FMNL1: variants seen among roughly 807,000 people sequenced by gnomAD.
The protein encoded by FMNL1 is formin-like protein 1.
In FMNL1, 43 loss-of-function variants were observed where a neutral mutation model predicts 121.3. The observed-to-expected ratio is 0.35, with a 90% CI of 0.28 to 0.46. The LOEUF is 0.46. Among genes scored for constraint, FMNL1 ranks in the 20% least tolerant of loss-of-function variants. FMNL1 has a pLI of 1.00. For synonymous variants in FMNL1, 613 were observed against 613.5 expected, an observed-to-expected ratio of 1.00 and a Z score of 0.01; for missense variants, 1,191 against 1,482.4, an observed-to-expected ratio of 0.80 and a Z score of 3.23.
chr17:45,226,316 G>A lies in FMNL1; in HGVS notation c.129+4063G>A, dbSNP rs373495809. ...ACTTCCCCCTGAGAGAGGGTGTGCTGGTGGGGGGGTTCCCCAGTGAGTAAG... is the reference window on the plus strand; with the variant it reads ...ACTTCCCCCTGAGAGAGGGTGTGCTAGTGGGGGGGTTCCCCAGTGAGTAAG... On this transcript the variant is annotated intron_variant, in intron 1 of 26. Transcript: ENST00000331495. 7.9e-5 allele frequency among the ~76,000 whole-genome samples: 12 copies of A among 152,354 alleles called. No individual in the cohort carries two copies. In the South Asian group the frequency reaches 2.5e-3, roughly 32 times the overall value.
Position 45,241,096 on chromosome 17 carries a change from C to CG in FMNL1, c.1231-30dup, listed in dbSNP as rs2043679051. On this transcript the variant is annotated intron_variant, in intron 12 of 26. Coordinates refer to ENST00000331495, the MANE Select transcript of FMNL1 (RefSeq NM_005892.4). This position sits in a 1 kb window ranked among gnomAD's most constrained non-coding sequence, Gnocchi z 7.0. The stretch of plus-strand genomic sequence containing the variant: ...CACCGGCGGTGCCAGTGCCGGGCTG[C>CG]GGGTCGGGGCTCACCATGTGCTGGT... 1 of 1,611,534 alleles carries CG rather than the reference C, an allele frequency of 6.2e-7. No individual in the cohort carries two copies. The highest frequency in any genetic ancestry group is 1.1e-5 in the South Asian group (1 of 90,984).
At position 45,245,370 on chromosome 17, in the gene FMNL1, A is replaced by G. The variant is rs1480810131; in HGVS notation, c.2846A>G (p.Asn949Ser). Reference sequence around the variant, plus strand: ...GTGCTCAAGGAGTTCCTGAGGGCCAACTCGCCCACCATGGACAAGCTGCTG... The same window carrying G: ...GTGCTCAAGGAGTTCCTGAGGGCCAGCTCGCCCACCATGGACAAGCTGCTG... ...CMVLKEFLRA[N>S]SPTMDKLLAD... The change falls in exon 22 of 27, where the codon AAC (asparagine) becomes AGC (serine). Residue 949 changes from asparagine (N) to serine (S), a missense_variant. Asn to Ser is a conservative substitution (Grantham distance 46). Around this residue, in one of 4 missense-constraint regions of FMNL1, gnomAD observed 367 missense variants for 528.6 expected, o/e 0.69. Coordinates refer to ENST00000331495, the MANE Select transcript of FMNL1 (RefSeq NM_005892.4). 6.2e-7 allele frequency: 1 copy of G among 1,614,076 alleles called. No individual in the cohort carries two copies. Among genetic ancestry groups the G allele is most frequent in the Non-Finnish European group, 8.5e-7 (1 of 1,179,996 alleles).
At chr17:45,240,293 C>T in intron 11 of FMNL1, 183 bp from the exon 12 acceptor site, 1 of 521,902 alleles carries the variant, frequency 1.9e-6, no homozygotes, top group East Asian at 3.6e-5. Flanking sequence ...CTAAGAATGA[C>T]TGAATTGTAC....
Position 45,240,538 on chromosome 17 carries a change from T to A in FMNL1, c.1143T>A (p.Ile381=). 3 of 1,613,162 alleles carry A rather than the reference T, an allele frequency of 1.9e-6. No homozygotes were observed. The highest frequency in any genetic ancestry group is 2.5e-6 in the Non-Finnish European group (3 of 1,179,818). ...QVQIQAYLDN[I]FDVGALLEDT... ...AGATCCAGGCGTACCTGGACAATAT[T>A]TTTGATGTGGGGGCGCTGCTGGAGG... The change falls in exon 12 of 27, where the codon ATT becomes ATA. Residue 381 remains isoleucine (I), a synonymous_variant. Coordinates refer to ENST00000331495, the MANE Select transcript of FMNL1 (RefSeq NM_005892.4).
At position 45,247,100 on chromosome 17, in the gene FMNL1, T is replaced by G. The variant is rs1598218065; in HGVS notation, c.*242T>G. The G allele has an allele frequency of 1.7e-6, 1 of 603,452 alleles. No homozygotes were observed. Among genetic ancestry groups the G allele is most frequent in the Non-Finnish European group, 3.0e-6 (1 of 333,636 alleles). The allele number at this position is 603,452 out of a possible 1,614,324, so 37.4% of individuals were successfully genotyped here. A position where few individuals can be genotyped will look rare whatever the true frequency, so the allele number is the denominator to read the frequency against. ...CTGTGGCCCGCCTCAAACGGGCTGG[T>G]GCATCCTCCTCTTGGCCACAGAGGG... On this transcript the variant is annotated 3_prime_UTR_variant, in exon 27 of 27. Transcript: ENST00000331495.
intron 7 of FMNL1, chr17:45,236,555 C>T (rs372201524): frequency 2.1e-5 from 5 of 235,028 alleles, no homozygotes; most frequent in Admixed American, 1.1e-4. Context: ...AGCCTCGGGT[C>T]GATTCATTTG....
chr17:45,238,048 AT>A (rs1361839978), intron 9 of FMNL1: 1 of 206,426 alleles, frequency 4.8e-6, no homozygotes, highest in Admixed American at 5.2e-5. Flanking sequence ...ATGAATATTT[AT>A]TGAGTGCCTA....
rs769713386 is a variant in FMNL1, at chr17:45,237,663, A to G, written c.894+24A>G. 2.5e-6 allele frequency: 4 copies of G among 1,612,018 alleles called. No homozygotes were observed. In the African/African-American group the frequency reaches 4.0e-5, roughly 16 times the overall value. On this transcript the variant is annotated intron_variant, in intron 9 of 26. Coordinates refer to ENST00000331495, the MANE Select transcript of FMNL1 (RefSeq NM_005892.4). The surrounding 1 kb of genome is among the most constrained non-coding windows in gnomAD (Gnocchi z 4.4). ...AGGTACCGGAGTCCCTCACCCAAAC[A>G]TGCATTTCCCCCTATGGTGTTGCTT...
At chr17:45,232,218 T>G (rs1003413590) in intron 2 of FMNL1, 149 bp from the exon 3 acceptor site, 11 of 675,354 alleles carry the variant, frequency 1.6e-5, no homozygotes, top group African/African-American at 3.7e-5. Flanking sequence ...GTGGACTGTT[T>G]GGGTTTATAC....
Position 45,233,783 on chromosome 17 carries a change from G to A in FMNL1, c.485+52G>A, listed in dbSNP as rs369537256. 5.1e-5 allele frequency: 81 copies of A among 1,602,868 alleles called. No homozygotes were observed. The highest frequency in any genetic ancestry group is 2.9e-4 in the African/African-American group (22 of 74,688). On this transcript the variant is annotated intron_variant, in intron 5 of 26. Transcript: ENST00000331495. This position sits in a 1 kb window ranked among gnomAD's most constrained non-coding sequence, Gnocchi z 4.1. ...GCCGCTCCTCAGAGCTTTGATCCCC[G>A]TCTCCCTGCATCTCACCCACTCCCC...
chr17:45,233,388 C>G lies in FMNL1; in HGVS notation c.401+91C>G. ...GCTTCCCCTTCCTACTCCCCCTGCC[C>G]CCTGCACAAGGCTGTGCTTGTGGAC... On this transcript the variant is annotated intron_variant, in intron 4 of 26. Transcript: ENST00000331495. This position sits in a 1 kb window ranked among gnomAD's most constrained non-coding sequence, Gnocchi z 4.1. 2 of 1,360,062 alleles carry G rather than the reference C, an allele frequency of 1.5e-6. No homozygotes were observed. Among genetic ancestry groups the G allele is most frequent in the Non-Finnish European group, 2.0e-6 (2 of 992,460 alleles). 84.2% of individuals were successfully genotyped at this position (1,360,062 alleles called of 1,614,324 possible).
chr17:45,244,594 G>A (rs1388250483), intron 19 of FMNL1, among the ~76,000 whole-genome samples: 1 of 152,244 alleles, frequency 6.6e-6, no homozygotes, highest in Non-Finnish European at 1.5e-5. Context: ...TGGACTAGCA[G>A]AGGACAAAAT....
Position 45,241,152 on chromosome 17 carries a change from G to T in FMNL1, c.1254G>T (p.Ala418=). Residue 418 remains alanine, a synonymous_variant, in exon 13 of 27, where the codon GCG becomes GCT. Coordinates refer to ENST00000331495, the MANE Select transcript of FMNL1 (RefSeq NM_005892.4). This position sits in a 1 kb window ranked among gnomAD's most constrained non-coding sequence, Gnocchi z 7.0. ...VALLTERLRD[A]ENESMAKIAE... ...AGCTGACAGAGCGGCTTCGGGACGC[G>T]GAGAACGAATCCATGGCCAAGATTG... 1 of 1,614,106 alleles carries T rather than the reference G, an allele frequency of 6.2e-7. No homozygotes were observed. Among genetic ancestry groups the T allele is most frequent in the East Asian group, 2.2e-5 (1 of 44,884 alleles).
At chr17:45,222,318 G>A in intron 1 of FMNL1, 65 bp downstream of exon 1, 1 of 1,117,856 alleles carries the variant, frequency 8.9e-7, no homozygotes, top group Non-Finnish European at 1.1e-6. Flanking sequence ...CAGGGGCTGG[G>A]CGCGCGTCCC....
At chr17:45,238,749 G>A in intron 10 of FMNL1, 111 bp downstream of exon 10, 1 of 1,382,682 alleles carries the variant, frequency 7.2e-7, no homozygotes, top group South Asian at 1.2e-5. Context: ...AAAGCGTAAG[G>A]ACTGAGTGGT....
chr17:45,236,459 C>G lies in FMNL1; in HGVS notation c.723+215C>G, dbSNP rs1474052351. The G allele has an allele frequency of 2.1e-5, 10 of 476,052 alleles. No individual in the cohort carries two copies. The South Asian group carries it at 2.7e-4, about 13-fold the overall frequency. 29.5% of individuals were successfully genotyped at this position (476,052 alleles called of 1,614,324 possible). On this transcript the variant is annotated intron_variant, in intron 7 of 26. Transcript: ENST00000331495. ...GCCTCTGTCAGGTTCTCTGAGTACC[C>G]CTGCCCATGGCTGGGCATGAAGGAG... is the stretch of plus-strand genomic sequence containing the variant.
In FMNL1 at chr17:45,231,680, G is replaced by A. The variant is rs1423491067; in HGVS notation, c.214-687G>A. Among the ~76,000 whole-genome samples, 1 of 152,116 alleles carries A rather than the reference G, an allele frequency of 6.6e-6. No homozygotes were observed. Among genetic ancestry groups the A allele is most frequent in the Non-Finnish European group, 1.5e-5 (1 of 67,992 alleles). On this transcript the variant is annotated intron_variant, in intron 2 of 26. Transcript: ENST00000331495. The surrounding 1 kb of genome is among the most constrained non-coding windows in gnomAD (Gnocchi z 4.7). ...TTTGTGTGAGTGGCCGCTGGAGCCT[G>A]CAGTGGGGTGGGGGGATTAGGAATT...
chr17:45,239,762 G>A (rs2043640632), intron 11 of FMNL1, among the ~76,000 whole-genome samples: 1 of 151,968 alleles, frequency 6.6e-6, no homozygotes, highest in Non-Finnish European at 1.5e-5. Flanking sequence ...AACATGCTAA[G>A]TGAAAGAAGC....
chr17:45,243,440 C>A (rs184778567), intron 17 of FMNL1, 120 bp downstream of exon 17: 113 of 1,206,582 alleles, frequency 9.4e-5, no homozygotes, highest in Non-Finnish European at 1.2e-4. Context: ...TCATACCAAC[C>A]CTGGTCCAGG....
Sources: allele counts gnomAD v4.1 joint callset (sites outside exome capture counted in the v4.1 genomes callset), GRCh38; gene constraint gnomAD v4.1.1; regional missense constraint gnomAD v4.1.1; non-coding constraint Gnocchi (gnomAD v3.1); transcripts MANE v1.5; gene names NCBI Gene and HGNC (gene_info 2026-07-23, HGNC 2026-07-21).